ABCA13: variants seen among roughly 807,000 people sequenced by gnomAD.
ABCA13 encodes the protein ATP binding cassette subfamily A member 13, also known as ATP-binding cassette sub-family A member 13.
Under a neutral mutation model 478.7 loss-of-function variants are expected in ABCA13, and 476 were observed. The ratio of observed to expected loss-of-function variants is 0.99; its 90% CI spans 0.92 to 1.07. ABCA13 has a LOEUF of 1.07. Ranked by LOEUF, ABCA13 falls within the 50% of genes least tolerant of loss-of-function variation. ABCA13 has a pLI of 0.00. For synonymous variants in ABCA13, 2,252 were observed against 2,158.9 expected, an observed-to-expected ratio of 1.04 and a Z score of -1.20; for missense variants, 6,060 against 5,910.6, an observed-to-expected ratio of 1.03 and a Z score of -0.83.
intron 41 of ABCA13, among the ~76,000 whole-genome samples, chr7:48,413,917 T>C (rs1819602022): frequency 6.6e-6 from 1 of 152,166 alleles, no homozygotes; most frequent in South Asian, 2.1e-4. Flanking sequence ...ATCACGAAGG[T>C]CGTAAATGGT....
At chr7:48,374,889 C>T (rs977224353) in intron 34 of ABCA13, among the ~76,000 whole-genome samples, 4 of 152,164 alleles carry the variant, frequency 2.6e-5, no homozygotes, top group African/African-American at 4.8e-5. Flanking sequence ...CCATTGCTCA[C>T]GTTATCGCCT....
At chr7:48,172,787 GACT>G (rs1289231636) in intron 1 of ABCA13, among the ~76,000 whole-genome samples, 3 of 105,944 alleles carry the variant, frequency 2.8e-5, no homozygotes, top group African/African-American at 3.8e-5. Context: ...GACAGAGCGA[GACT>G]CCGTCTCAAA....
chr7:48,319,581 C>T (rs560670355), intron 27 of ABCA13, among the ~76,000 whole-genome samples: 1 of 152,252 alleles, frequency 6.6e-6, no homozygotes, highest in African/African-American at 2.4e-5. Flanking sequence ...TTTTTCTCTC[C>T]ATTACTTCTT....
At chr7:48,509,933 C>G (rs1042765357) in intron 50 of ABCA13, among the ~76,000 whole-genome samples, 1 of 152,206 alleles carries the variant, frequency 6.6e-6, no homozygotes, top group Non-Finnish European at 1.5e-5. Flanking sequence ...AACGAGGAAG[C>G]TGGCCCTCGC....
In ABCA13 at chr7:48,595,773, G is replaced by A. The variant is rs6945168; in HGVS notation, c.14744+960G>A. On this transcript the variant is annotated intron_variant, in intron 58 of 61. Coordinates refer to ENST00000435803, the MANE Select transcript of ABCA13 (RefSeq NM_152701.5). ...AAGCCAGCCCTTCGTTTGGGAGGAG[G>A]TGTCGCTTCTTCCATGGTTGTTTGC... 7.6e-3 allele frequency among the ~76,000 whole-genome samples: 1,158 copies of A among 152,280 alleles called. 14 individuals carry two copies. The highest frequency in any genetic ancestry group is 0.027 in the African/African-American group (1,104 of 41,552).
rs1795437391 is a variant in ABCA13, at chr7:48,646,414, G to A, written c.*902G>A. On this transcript the variant is annotated 3_prime_UTR_variant, in exon 62 of 62. Transcript: ENST00000435803. ...AGACCTATTGAATCTCAAATTCTGG[G>A]GCTTAAACAAGCACATTCCAAGTTA... The A allele has an allele frequency of 6.6e-6, 1 of 152,052 alleles. No individual in the cohort carries two copies. Among genetic ancestry groups the A allele is most frequent in the African/African-American group, 2.4e-5 (1 of 41,390 alleles). 9.4% of individuals were successfully genotyped at this position (152,052 alleles called of 1,614,324 possible). A position where few individuals can be genotyped will look rare whatever the true frequency, so the allele number is the denominator to read the frequency against.
Position 48,276,393 on chromosome 7 carries a change from A to ATC in ABCA13, c.6727_6728insTC (p.Asn2243IlefsTer16), listed in dbSNP as rs762212247. 2.6e-6 allele frequency: 4 copies of ATC among 1,555,490 alleles called. No homozygotes were observed. The Admixed American group carries it at 7.7e-5, about 30-fold the overall frequency. ...AATGAATTTCATTAACCTTATCTTGAACCATATGCAGTCAGAAACTAGTAG... is the reference window on the plus strand; with the variant it reads ...AATGAATTTCATTAACCTTATCTTGATCACCATATGCAGTCAGAAACTAGTAG... On this transcript the variant is annotated frameshift_variant, in exon 17 of 62. Transcript: ENST00000435803. LOFTEE classifies it high-confidence loss of function.
chr7:48,271,804 A>C lies in ABCA13; in HGVS notation c.2138A>C (p.Lys713Thr), dbSNP rs1795647037. 6.6e-7 allele frequency: 1 copy of C among 1,507,368 alleles called. No homozygotes were observed. The highest frequency in any genetic ancestry group is 2.5e-5 in the East Asian group (1 of 40,664). 93.4% of individuals were successfully genotyped at this position (1,507,368 alleles called of 1,614,324 possible). The change falls in exon 17 of 62, where the codon AAG becomes ACG. Residue 713 changes from lysine to threonine, a missense_variant. Coordinates refer to ENST00000435803, the MANE Select transcript of ABCA13 (RefSeq NM_152701.5). ...ASISRALNFT[K>T]HLLMMEKKLH... ...TATTACAGGGCTTTAAATTTCACAA[A>C]GCACCTTCTAATGATGGAAAAGAAG...
chr7:48,355,435 T>C (rs4342545), intron 31 of ABCA13, among the ~76,000 whole-genome samples: 37,176 of 151,654 alleles, frequency 0.25, 5,307 homozygotes, highest in African/African-American at 0.38. Flanking sequence ...AAGAGCTGAT[T>C]GTAGATTGCA....
chr7:48,244,555 T>C (rs1219298762), intron 10 of ABCA13, 21 bp from the exon 11 acceptor site: 2 of 1,604,204 alleles, frequency 1.2e-6, no homozygotes, highest in African/African-American at 2.7e-5. Context: ...TTTTATTTCA[T>C]TTATTTATTT....
At chr7:48,203,899 C>T (rs1294576280) in intron 3 of ABCA13, among the ~76,000 whole-genome samples, 1 of 152,130 alleles carries the variant, frequency 6.6e-6, no homozygotes, top group African/African-American at 2.4e-5. Flanking sequence ...TGAAATGTTT[C>T]CAGCCATTTC....
At position 48,249,370 on chromosome 7, in the gene ABCA13, C is replaced by T; in HGVS notation, c.2005+19C>T. ...CTATTGGGTAAGTCAGTAGCCTAAA[C>T]TACAGGAATGGGGGATGCTTTCCCC... On this transcript the variant is annotated intron_variant, in intron 15 of 61. Transcript: ENST00000435803. The T allele has an allele frequency of 1.2e-6, 2 of 1,610,806 alleles. No individual in the cohort carries two copies. Among genetic ancestry groups the T allele is most frequent in the Non-Finnish European group, 8.5e-7 (1 of 1,178,540 alleles).
At chr7:48,484,742 C>A (rs56247566) in intron 47 of ABCA13, among the ~76,000 whole-genome samples, 20,808 of 152,050 alleles carry the variant, frequency 0.14, 1,797 homozygotes, top group African/African-American at 0.23. Context: ...GTGTCCTTCA[C>A]CAGGCACAAG....
At chr7:48,587,108 C>A (rs778102023) in intron 56 of ABCA13, 46 bp from the exon 57 acceptor site, 3 of 1,608,866 alleles carry the variant, frequency 1.9e-6, no homozygotes, top group Non-Finnish European at 2.5e-6. Context: ...GTCTGGTGGG[C>A]ACTTTGGTGA....
chr7:48,544,809 A>G (rs1784669981), intron 55 of ABCA13, among the ~76,000 whole-genome samples: 1 of 151,906 alleles, frequency 6.6e-6, no homozygotes, highest in African/African-American at 2.4e-5. Context: ...CTCAGGTAAA[A>G]CAACCTGAGG....
chr7:48,234,809 A>G (rs1254375057), intron 8 of ABCA13, among the ~76,000 whole-genome samples: 2 of 152,188 alleles, frequency 1.3e-5, no homozygotes, highest in African/African-American at 4.8e-5. Flanking sequence ...GCTTTGGTCC[A>G]TAGACTCCAC....
chr7:48,533,194 G>A (rs777554825), intron 55 of ABCA13, among the ~76,000 whole-genome samples: 14 of 152,126 alleles, frequency 9.2e-5, no homozygotes, highest in Non-Finnish European at 1.6e-4. Flanking sequence ...GACAGGTTGT[G>A]TCACTATTAT....
rs748438113 is a variant in ABCA13 at position 48,240,952 on chromosome 7, T to C, written c.1148T>C (p.Phe383Ser). The change falls in exon 10 of 62, where the codon TTT becomes TCT. Residue 383 changes from phenylalanine to serine, a missense_variant. Phe to Ser is a radical substitution (Grantham distance 155). Coordinates refer to ENST00000435803, the MANE Select transcript of ABCA13 (RefSeq NM_152701.5). ...AGTCTGGAGGCTCTCAGGAATCAGT[T>C]TGAAGAAGAGAGCAAGCCCTGGAAG... Reference protein sequence around the residue: ...GHSLEALRNQFEEESKPWKVV... With the variant: ...GHSLEALRNQSEEESKPWKVV... The C allele has an allele frequency of 1.5e-5, 24 of 1,613,610 alleles. No homozygotes were observed. The South Asian group carries it at 2.1e-4, about 14-fold the overall frequency.
chr7:48,187,564 T>A (rs2128883644), intron 1 of ABCA13, among the ~76,000 whole-genome samples: 1 of 152,150 alleles, frequency 6.6e-6, no homozygotes, highest in East Asian at 1.9e-4. Flanking sequence ...TATTAGCTTT[T>A]GCGTCTTAAT....
Sources: gnomAD v4.1 joint callset for allele counts (sites outside exome capture counted in the v4.1 genomes callset) on GRCh38, gnomAD v4.1.1 for gene constraint, MANE v1.5 for transcripts, NCBI Gene and HGNC (gene_info 2026-07-23, HGNC 2026-07-21) for gene names.